The following HMCN1 variants were observed in gnomAD, a reference collection of about 807,000 sequenced individuals.
The protein encoded by HMCN1 is hemicentin 1.
Under a neutral mutation model 625.9 loss-of-function variants are expected in HMCN1, and 321 were observed. The ratio of observed to expected loss-of-function variants is 0.51; its 90% CI spans 0.47 to 0.56. The LOEUF (loss-of-function observed/expected upper bound fraction) is 0.56. Ranked by LOEUF, HMCN1 falls within the 20% of genes least tolerant of loss-of-function variation. HMCN1 has a pLI of 0.00. For missense variants in HMCN1, 6,588 were observed against 6,887.3 expected, an observed-to-expected ratio of 0.96 and a Z score of 1.54; for synonymous variants, 2,425 against 2,417.6, an observed-to-expected ratio of 1.00 and a Z score of -0.09.
intron 11 of HMCN1, among the ~76,000 whole-genome samples, chr1:185,940,062 T>A (rs995697174): frequency 1.3e-5 from 2 of 152,192 alleles, no homozygotes; most frequent in African/African-American, 4.8e-5. Flanking sequence ...CTGTTAGGTA[T>A]AAAAATATGA....
intron 97 of HMCN1, among the ~76,000 whole-genome samples, chr1:186,156,619 A>G (rs965961116): frequency 6.6e-6 from 1 of 152,176 alleles, no homozygotes; most frequent in African/African-American, 2.4e-5. Context: ...AAATGTTCAT[A>G]TCTTTTCAGT....
chr1:185,891,499 A>G (rs1665081952), intron 4 of HMCN1, among the ~76,000 whole-genome samples: 1 of 147,938 alleles, frequency 6.8e-6, no homozygotes, highest in Admixed American at 6.6e-5. Context: ...CTTTTAGGGC[A>G]GGCCTGGTCG....
intron 11 of HMCN1, among the ~76,000 whole-genome samples, chr1:185,956,843 A>T (rs1338034155): frequency 6.6e-6 from 1 of 152,220 alleles, no homozygotes; most frequent in South Asian, 2.1e-4. Flanking sequence ...AGCATGCAAA[A>T]GAAACTTTTA....
chr1:185,772,196 A>G (rs1656288342), intron 1 of HMCN1, among the ~76,000 whole-genome samples: 1 of 152,232 alleles, frequency 6.6e-6, no homozygotes, highest in South Asian at 2.1e-4. Context: ...AGGGCTTTAT[A>G]TAACAGGCTG....
chr1:186,045,690 C>T lies in HMCN1; in HGVS notation c.6307C>T (p.Pro2103Ser). 1 of 1,612,692 alleles carries T rather than the reference C, an allele frequency of 6.2e-7. No homozygotes were observed. The highest frequency in any genetic ancestry group is 2.2e-5 in the East Asian group (1 of 44,788). The stretch of plus-strand genomic sequence containing the variant: ...AAGAAAACCCATCTTTCATGTAGTT[C>T]CGCCAAATATTATGGGAGAAGAACA... ...QRDIDLRVYV[P>S]PNIMGEEQNV... Residue 2103 changes from proline to serine, a missense_variant and splice_region_variant, in exon 41 of 107, where the codon CCG becomes TCG. By Grantham distance (74) the Pro-to-Ser change is moderately conservative (BLOSUM62 -1). Transcript: ENST00000271588.
chr1:186,181,696 T>C (rs1316316578), intron 104 of HMCN1, among the ~76,000 whole-genome samples: 1 of 152,030 alleles, frequency 6.6e-6, no homozygotes. Context: ...TATGCATGAG[T>C]GGGGCTGCAG....
At chr1:185,932,452 C>T (rs188025053) in intron 10 of HMCN1, among the ~76,000 whole-genome samples, 67 of 152,234 alleles carry the variant, frequency 4.4e-4, no homozygotes, top group African/African-American at 1.5e-3. Context: ...TCATATTAAA[C>T]TAAAACAGAC....
chr1:185,951,575 GAGA>G lies in HMCN1; in HGVS notation c.1829-10939_1829-10937del, dbSNP rs547644869. Among the ~76,000 whole-genome samples, 10 of 151,378 alleles carry G rather than the reference GAGA, an allele frequency of 6.6e-5. No homozygotes were observed. The South Asian group carries it at 1.3e-3, about 19-fold the overall frequency. On this transcript the variant is annotated intron_variant, in intron 11 of 106. Transcript: ENST00000271588. The stretch of plus-strand genomic sequence containing the variant: ...AGTGTCAGTCTTCAGCCGCTAAGCC[GAGA>G]AGATCTGGGAAGGAGTCAGTCAGAG...
chr1:185,812,550 G>A (rs966903175), intron 1 of HMCN1, among the ~76,000 whole-genome samples: 5 of 152,128 alleles, frequency 3.3e-5, no homozygotes, highest in African/African-American at 1.2e-4. Flanking sequence ...AAAATTGTAA[G>A]TATGATCTGC....
At chr1:186,059,523 A>T (rs986579265) in intron 46 of HMCN1, among the ~76,000 whole-genome samples, 1 of 152,070 alleles carries the variant, frequency 6.6e-6, no homozygotes. Flanking sequence ...TGAACACATG[A>T]TAAGTATTTC....
chr1:185,783,903 G>C (rs1271889464), intron 1 of HMCN1, among the ~76,000 whole-genome samples: 1 of 152,080 alleles, frequency 6.6e-6, no homozygotes, highest in Non-Finnish European at 1.5e-5. Flanking sequence ...AGTCTGCAGA[G>C]GTTTCTGCTG....
intron 1 of HMCN1, among the ~76,000 whole-genome samples, chr1:185,809,549 G>A (rs953782345): frequency 1.3e-5 from 2 of 151,672 alleles, no homozygotes; most frequent in Non-Finnish European, 2.9e-5. Flanking sequence ...AATTCCTACT[G>A]TGCATCTTGT....
intron 11 of HMCN1, among the ~76,000 whole-genome samples, chr1:185,952,091 T>A (rs1649221699): frequency 6.6e-6 from 1 of 151,902 alleles, no homozygotes. Flanking sequence ...AGCCATGAAC[T>A]GGGCTGGATT....
intron 42 of HMCN1, among the ~76,000 whole-genome samples, chr1:186,051,842 A>G (rs1452940215): frequency 6.6e-6 from 1 of 152,024 alleles, no homozygotes; most frequent in Non-Finnish European, 1.5e-5. Context: ...GTCAATGGGA[A>G]TTGACTTGAG....
chr1:185,923,592 T>C lies in HMCN1; in HGVS notation c.1224T>C (p.Tyr408=), dbSNP rs373089927. 46 of 1,608,986 alleles carry C rather than the reference T, an allele frequency of 2.9e-5. 1 individual carries two copies. The African/African-American group carries it at 5.3e-4, about 19-fold the overall frequency. ...NEAFFLKVTG[Y]DKDDYLFQRV... is the part of the protein sequence containing the mutation. ...CTTTCTTTCTCAAAGTAACAGGCTA[T>C]GATAAAGATGATTACCTCTTCCAGA... Residue 408 remains tyrosine, a synonymous_variant, in exon 8 of 107, where the codon TAT becomes TAC. Coordinates refer to ENST00000271588, the MANE Select transcript of HMCN1 (RefSeq NM_031935.3).
intron 4 of HMCN1, among the ~76,000 whole-genome samples, chr1:185,906,690 G>A (rs1438606932): frequency 6.6e-6 from 1 of 151,630 alleles, no homozygotes; most frequent in Non-Finnish European, 1.5e-5. Context: ...CTTTATTAAT[G>A]CCATTTCATT....
chr1:186,074,253 A>G (rs903888155), intron 52 of HMCN1, among the ~76,000 whole-genome samples: 1 of 152,034 alleles, frequency 6.6e-6, no homozygotes. Flanking sequence ...AAATATCTTT[A>G]GGTTAAAATT....
chr1:186,084,108 T>C (rs1051505238), intron 57 of HMCN1, among the ~76,000 whole-genome samples: 4 of 152,144 alleles, frequency 2.6e-5, no homozygotes, highest in Non-Finnish European at 5.9e-5. Context: ...ATACCCCAAT[T>C]GTAGCAGTTC....
chr1:186,050,318 G>T (rs1321761830), intron 42 of HMCN1, among the ~76,000 whole-genome samples: 3 of 151,812 alleles, frequency 2.0e-5, no homozygotes, highest in African/African-American at 7.2e-5. Flanking sequence ...TCATTTAGGT[G>T]AAATAAGAGT....
Sources: allele counts gnomAD v4.1 joint callset (sites outside exome capture counted in the v4.1 genomes callset), GRCh38; gene constraint gnomAD v4.1.1; transcripts MANE v1.5; gene names NCBI Gene and HGNC (gene_info 2026-07-23, HGNC 2026-07-21).